Variants in IL34 observed in about 807,000 individuals in gnomAD.
The protein encoded by IL34 is interleukin-34.
Under a neutral mutation model 25.3 loss-of-function variants are expected in IL34, and 17 were observed. The observed-to-expected ratio is 0.67, with a 90% confidence interval of 0.46 to 1.01. IL34 has a LOEUF of 1.01. IL34 is among the 50% of genes least tolerant of loss of function. The pLI, the probability that IL34 is intolerant of heterozygous loss-of-function variation, is 0.00. For synonymous variants in IL34, 174 were observed against 140.9 expected, an observed-to-expected ratio of 1.23 and a Z score of -1.66; for missense variants, 368 against 312.9, an observed-to-expected ratio of 1.18 and a Z score of -1.33.
intron 1 of IL34, among the ~76,000 whole-genome samples, chr16:70,589,014 A>G (rs781080621): frequency 1.1e-4 from 16 of 152,130 alleles, no homozygotes; most frequent in Middle Eastern, 3.4e-3. Flanking sequence ...TGCCACTGGG[A>G]AAAAAATGCT....
intron 1 of IL34, among the ~76,000 whole-genome samples, chr16:70,619,154 C>T (rs1429074228): frequency 6.6e-6 from 1 of 152,106 alleles, no homozygotes. Context: ...AAAGGCCATG[C>T]TGTAGCAGAC....
intron 1 of IL34, among the ~76,000 whole-genome samples, chr16:70,602,505 C>T (rs1465401567): frequency 1.3e-5 from 2 of 151,522 alleles, no homozygotes; most frequent in African/African-American, 4.9e-5. Flanking sequence ...TGCACTCAGG[C>T]CTGGGCAACA....
At chr16:70,604,111 G>T (rs973179298) in intron 1 of IL34, among the ~76,000 whole-genome samples, 1 of 152,220 alleles carries the variant, frequency 6.6e-6, no homozygotes, top group African/African-American at 2.4e-5. Flanking sequence ...TTTAATTACA[G>T]TTGCCCATCG....
At chr16:70,626,750 C>T (rs553534731) in intron 1 of IL34, among the ~76,000 whole-genome samples, 4 of 151,996 alleles carry the variant, frequency 2.6e-5, no homozygotes, top group Non-Finnish European at 4.4e-5. Flanking sequence ...AAATTTTGAT[C>T]CTTTTGGAAT....
rs1031521183 is a variant in IL34, at chr16:70,581,032, C to T, written c.-401+983C>T. Reference sequence around the variant, plus strand: ...GTTCAAGCGATTCTCCTGCCTCAGCCTCCTGAGTAGCTGGGATTACAGGCA... The same window carrying T: ...GTTCAAGCGATTCTCCTGCCTCAGCTTCCTGAGTAGCTGGGATTACAGGCA... On this transcript the variant is annotated intron_variant, in intron 1 of 6. Transcript: ENST00000429149. Among the ~76,000 whole-genome samples the T allele has an allele frequency of 4.0e-5, 6 of 151,870 alleles. No individual in the cohort carries two copies. The East Asian group carries it at 1.2e-3, about 30-fold the overall frequency.
At chr16:70,640,469 C>T (rs77534164) in intron 1 of IL34, among the ~76,000 whole-genome samples, 2 of 151,486 alleles carry the variant, frequency 1.3e-5, no homozygotes, top group East Asian at 1.9e-4. Context: ...ACTAAAAATA[C>T]AAAAGTTAGC....
At chr16:70,658,276 A>C (rs2052287231) in intron 4 of IL34, among the ~76,000 whole-genome samples, 1 of 152,204 alleles carries the variant, frequency 6.6e-6, no homozygotes, top group East Asian at 1.9e-4. Flanking sequence ...GTCAATTCCT[A>C]CAAAGTCAGG....
intron 1 of IL34, among the ~76,000 whole-genome samples, chr16:70,648,805 C>T (rs1185362899): frequency 3.3e-5 from 5 of 152,100 alleles, no homozygotes; most frequent in Non-Finnish European, 7.3e-5. Context: ...TCTCACAGTT[C>T]TGGAGACCGG....
chr16:70,657,157 G>A, intron 4 of IL34, 36 bp downstream of exon 4: 1 of 1,603,798 alleles, frequency 6.2e-7, no homozygotes, highest in East Asian at 2.2e-5. Context: ...TGGGGTGTGT[G>A]TGTGTGCACA....
At chr16:70,654,801 C>A in intron 2 of IL34, 130 bp downstream of exon 2, 1 of 1,219,354 alleles carries the variant, frequency 8.2e-7, no homozygotes. Flanking sequence ...TGTTTCTCTG[C>A]CTTTCTCCGA....
chr16:70,589,918 C>T (rs1038947918), intron 1 of IL34, among the ~76,000 whole-genome samples: 10 of 152,180 alleles, frequency 6.6e-5, no homozygotes, highest in Admixed American at 2.0e-4. Context: ...CCACTGCACC[C>T]GGCCTTACCA....
chr16:70,596,552 ACACTGGCATCCCATTTCCCAC>A (rs1476361358), intron 1 of IL34, among the ~76,000 whole-genome samples: 2 of 152,174 alleles, frequency 1.3e-5, no homozygotes, highest in Admixed American at 1.3e-4. Flanking sequence ...GGCGTTGGGC[ACACTGGCATCCCATTTCCCAC>A]CACTGCCTCA....
chr16:70,612,560 T>G (rs946201208), intron 1 of IL34, among the ~76,000 whole-genome samples: 3 of 152,190 alleles, frequency 2.0e-5, no homozygotes, highest in African/African-American at 7.2e-5. Flanking sequence ...CACTAAAGTG[T>G]GAAAGATTGT....
intron 1 of IL34, among the ~76,000 whole-genome samples, chr16:70,599,293 C>CTTTCTTTCTTTCTTTCCTTCTTT (rs113794220): frequency 7.5e-6 from 1 of 132,702 alleles, no homozygotes; most frequent in African/African-American, 3.0e-5. Flanking sequence ...TTCTTTCTTT[C>CTTTCTTTCTTTCTTTCCTTCTTT]TTCTTTCTTT....
chr16:70,630,963 C>A (rs12926402), intron 1 of IL34, among the ~76,000 whole-genome samples: 50,546 of 151,866 alleles, frequency 0.33, 8,556 homozygotes, highest in South Asian at 0.47. Flanking sequence ...ATGGGAGTGC[C>A]GATATGTCTT....
chr16:70,615,368 G>A (rs542769329), intron 1 of IL34, among the ~76,000 whole-genome samples: 4 of 152,174 alleles, frequency 2.6e-5, no homozygotes, highest in East Asian at 1.9e-4. Flanking sequence ...TTAGCTGGGC[G>A]TGGTGGTGCT....
intron 1 of IL34, 35 bp from the exon 2 acceptor site, chr16:70,654,503 G>C: frequency 6.4e-7 from 1 of 1,570,658 alleles, no homozygotes; most frequent in Non-Finnish European, 8.7e-7. Context: ...TGAGATGGAG[G>C]GTGCTCATGT....
At chr16:70,605,116 G>A (rs1305823686) in intron 1 of IL34, among the ~76,000 whole-genome samples, 1 of 152,120 alleles carries the variant, frequency 6.6e-6, no homozygotes, top group Admixed American at 6.5e-5. Context: ...GGTGGGGACT[G>A]CAGAGGTGGA....
intron 1 of IL34, among the ~76,000 whole-genome samples, chr16:70,606,537 AC>A (rs1321098325): frequency 6.6e-6 from 1 of 151,620 alleles, no homozygotes; most frequent in Non-Finnish European, 1.5e-5. Flanking sequence ...ACCACCCTCC[AC>A]CCCCAAACAA....
Sources: allele counts gnomAD v4.1 joint callset (sites outside exome capture counted in the v4.1 genomes callset), GRCh38; gene constraint gnomAD v4.1.1; transcripts MANE v1.5; gene names NCBI Gene and HGNC (gene_info 2026-07-23, HGNC 2026-07-21).